The following DNAH7 variants were observed in gnomAD, a reference collection of about 807,000 sequenced individuals.
DNAH7 encodes the protein axonemal beta dynein heavy chain 7.
In DNAH7, 397 loss-of-function variants were observed where a neutral mutation model predicts 444.6. The observed-to-expected ratio is 0.89, with a 90% CI of 0.82 to 0.97. The LOEUF (loss-of-function observed/expected upper bound fraction) is 0.97. Among genes scored for constraint, DNAH7 ranks in the 50% least tolerant of loss-of-function variants. The probability of loss-of-function intolerance (pLI) is 0.00; values close to 1 mark genes in which losing one functional copy is unlikely to be tolerated. For missense variants in DNAH7, 4,902 were observed against 4,800.8 expected (o/e 1.02, Z -0.62); for synonymous variants, 1,636 against 1,624.4 (o/e 1.01, Z -0.17).
At chr2:196,024,614 A>G in intron 7 of DNAH7, 110 bp from the exon 8 acceptor site, 1 of 576,808 alleles carries the variant, frequency 1.7e-6, no homozygotes, top group Non-Finnish European at 2.7e-6. Flanking sequence ...ATTATATTAA[A>G]GTTGTTTAAT....
In DNAH7 at chr2:195,737,831, C is replaced by CAA; in HGVS notation, c.*88_*89dup. ...ATAACTTTAGTCAAATGTATTTAAA[C>CAA]AAACAAAAAAAAAGGTTTAAGTAGT... On this transcript the variant is annotated 3_prime_UTR_variant, in exon 65 of 65. Transcript: ENST00000312428. The CAA allele has an allele frequency of 8.2e-7, 1 of 1,214,336 alleles. No homozygotes were observed. The allele number at this position is 1,214,336 out of a possible 1,614,324, so 75.2% of individuals were successfully genotyped here.
At chr2:195,793,608 C>T (rs1462305537) in intron 57 of DNAH7, among the ~76,000 whole-genome samples, 1 of 152,056 alleles carries the variant, frequency 6.6e-6, no homozygotes, top group Non-Finnish European at 1.5e-5. Flanking sequence ...TAAATATAGG[C>T]CCCCTTTTAT....
intron 55 of DNAH7, 105 bp downstream of exon 55, chr2:195,799,191 G>T: frequency 9.6e-7 from 1 of 1,036,554 alleles, no homozygotes; most frequent in Non-Finnish European, 1.3e-6. Context: ...ACTTTCAAAG[G>T]TTGAATGACA....
chr2:195,924,245 G>T (rs1348296121), intron 22 of DNAH7, among the ~76,000 whole-genome samples: 2 of 152,138 alleles, frequency 1.3e-5, no homozygotes, highest in Admixed American at 6.5e-5. Context: ...ACTACAAGCT[G>T]TCTTCTGCTC....
chr2:195,970,096 T>C lies in DNAH7; in HGVS notation c.2059-2A>G, dbSNP rs1691744877. On this transcript the variant is annotated splice_acceptor_variant, in intron 16 of 64. Transcript: ENST00000312428. LOFTEE classifies it high-confidence loss of function. ...CTCCACAAACCGTTCACACCGTAACTAATAAAAACAATTTGTTGTTAATAT... is the reference window on the plus strand; with the variant it reads ...CTCCACAAACCGTTCACACCGTAACCAATAAAAACAATTTGTTGTTAATAT... 6.3e-7 allele frequency: 1 copy of C among 1,588,436 alleles called. No individual in the cohort carries two copies. Among genetic ancestry groups the C allele is most frequent in the African/African-American group, 1.4e-5 (1 of 73,630 alleles).
At chr2:195,879,445 G>T (rs558322288) in intron 36 of DNAH7, among the ~76,000 whole-genome samples, 66 of 152,202 alleles carry the variant, frequency 4.3e-4, no homozygotes, top group South Asian at 8.3e-4. Context: ...GGAGTTTATA[G>T]GTGATTTAAA....
chr2:195,900,364 G>C lies in DNAH7; in HGVS notation c.4466C>G (p.Ser1489Ter). Reference protein sequence around the residue: ...VKIVATYRLCSEQLSSQHHYD... With the variant: ...VKIVATYRLC Reference sequence around the variant, plus strand: ...GTGATGTTGAGATGACAGCTGCTCTGAACACAAGCGATACGTAGCCACAAT... The same window carrying C: ...GTGATGTTGAGATGACAGCTGCTCTCAACACAAGCGATACGTAGCCACAAT... The change falls in exon 28 of 65, where the codon TCA (serine) becomes TGA (stop). Residue 1489 changes from serine (S) to a stop codon, truncating the protein, a stop_gained. Transcript: ENST00000312428. LOFTEE classifies it high-confidence loss of function. 1 of 1,614,008 alleles carries C rather than the reference G, an allele frequency of 6.2e-7. No individual in the cohort carries two copies. Among genetic ancestry groups the C allele is most frequent in the South Asian group, 1.1e-5 (1 of 91,078 alleles).
chr2:195,975,586 A>T (rs1010051434), intron 15 of DNAH7, among the ~76,000 whole-genome samples: 6 of 150,870 alleles, frequency 4.0e-5, no homozygotes, highest in African/African-American at 1.5e-4. Context: ...TGATATACCT[A>T]GCTAAAGAAG....
chr2:195,852,119 G>A (rs1038650273), intron 46 of DNAH7, among the ~76,000 whole-genome samples: 7 of 151,932 alleles, frequency 4.6e-5, no homozygotes, highest in East Asian at 3.9e-4. Context: ...TTAGCCAGGC[G>A]TGGTGGCGGG....
At chr2:195,953,091 G>A (rs1393886843) in intron 19 of DNAH7, among the ~76,000 whole-genome samples, 1 of 152,130 alleles carries the variant, frequency 6.6e-6, no homozygotes, top group Non-Finnish European at 1.5e-5. Context: ...GGTCTTTGAT[G>A]CTGGTGACCT....
chr2:195,969,823 T>C (rs568470485), intron 17 of DNAH7, 125 bp downstream of exon 17: 3 of 952,656 alleles, frequency 3.1e-6, no homozygotes, highest in Non-Finnish European at 4.6e-6. Flanking sequence ...TGTCATTCTA[T>C]TATCCTCTAA....
intron 45 of DNAH7, 40 bp from the exon 46 acceptor site, chr2:195,853,568 A>G (rs888983865): frequency 1.3e-6 from 2 of 1,549,738 alleles, no homozygotes; most frequent in Non-Finnish European, 1.7e-6. Flanking sequence ...ATTTACAAGT[A>G]TAAGAAGTTT....
Position 195,936,709 on chromosome 2 carries a change from A to C in DNAH7, c.3162T>G (p.Leu1054=). 6.2e-7 allele frequency: 1 copy of C among 1,605,492 alleles called. No homozygotes were observed. Among genetic ancestry groups the C allele is most frequent in the Non-Finnish European group, 8.5e-7 (1 of 1,176,792 alleles). ...TTTCCAAATATTCATTAAGTCCTTT[A>C]AGAATGAGCTCCAAAAGTTCATTAG... ...KKSNELLELI[L]KGLNEYLEKK... is the part of the protein sequence containing the mutation. Residue 1054 remains leucine (L), a synonymous_variant, in exon 20 of 65, where the codon CTT becomes CTG. Transcript: ENST00000312428.
chr2:196,012,608 C>T (rs1013952428), intron 10 of DNAH7, among the ~76,000 whole-genome samples, 179 bp downstream of exon 10: 6 of 152,046 alleles, frequency 3.9e-5, no homozygotes, highest in African/African-American at 9.7e-5. Context: ...GCACAATCTA[C>T]GCTGTGTAGA....
At chr2:195,921,000 C>T (rs1687986302) in intron 24 of DNAH7, among the ~76,000 whole-genome samples, 1 of 152,112 alleles carries the variant, frequency 6.6e-6, no homozygotes, top group Non-Finnish European at 1.5e-5. Context: ...AAATGCAAAT[C>T]AAAACCACAA....
At chr2:196,050,002 A>C (rs959274018) in intron 3 of DNAH7, among the ~76,000 whole-genome samples, 4 of 152,224 alleles carry the variant, frequency 2.6e-5, no homozygotes, top group African/African-American at 9.6e-5. Context: ...ATTATCAATA[A>C]AAGCATATTT....
At chr2:195,916,904 C>T (rs1258293467) in intron 24 of DNAH7, among the ~76,000 whole-genome samples, 1 of 151,542 alleles carries the variant, frequency 6.6e-6, no homozygotes, top group African/African-American at 2.4e-5. Context: ...TCGAGACCAT[C>T]CTAGCTAACA....
intron 24 of DNAH7, among the ~76,000 whole-genome samples, chr2:195,919,669 G>T (rs990284050): frequency 6.6e-6 from 1 of 152,106 alleles, no homozygotes; most frequent in Non-Finnish European, 1.5e-5. Flanking sequence ...TTTAAAGGAA[G>T]AGAATTAAAT....
At chr2:195,896,861 G>A (rs892892670) in intron 29 of DNAH7, among the ~76,000 whole-genome samples, 24 of 152,078 alleles carry the variant, frequency 1.6e-4, no homozygotes, top group African/African-American at 5.1e-4. Context: ...GGCTGCCATC[G>A]GTAGCTAATG....
Sources: gnomAD v4.1 joint callset for allele counts (sites outside exome capture counted in the v4.1 genomes callset) on GRCh38, gnomAD v4.1.1 for gene constraint, MANE v1.5 for transcripts, NCBI Gene and HGNC (gene_info 2026-07-23, HGNC 2026-07-21) for gene names.